The following LAMA2 variants were observed in gnomAD, a reference collection of about 807,000 sequenced individuals.
LAMA2 encodes the protein laminin subunit alpha-2.
LAMA2 carries 269 observed loss-of-function variants against 364.8 expected under a neutral mutation model. The ratio of observed to expected loss-of-function variants is 0.74; its 90% CI spans 0.67 to 0.82. LAMA2 has a LOEUF of 0.82. Ranked by LOEUF, LAMA2 falls within the 40% of genes least tolerant of loss-of-function variation. The pLI is 0.00. For synonymous variants in LAMA2, 1,379 were observed against 1,370.6 expected (o/e 1.01, Z -0.14); for missense variants, 3,807 against 3,873.2 (o/e 0.98, Z 0.45).
chr6:128,936,387 G>A (rs1311055499), intron 1 of LAMA2, among the ~76,000 whole-genome samples: 2 of 152,036 alleles, frequency 1.3e-5, no homozygotes, highest in African/African-American at 2.4e-5. Context: ...TATCATGACA[G>A]GATGTTGAAT....
chr6:129,254,306 A>G (rs1187066591), intron 14 of LAMA2, among the ~76,000 whole-genome samples: 1 of 152,240 alleles, frequency 6.6e-6, no homozygotes, highest in African/African-American at 2.4e-5. Flanking sequence ...ACTGCGGGTC[A>G]AGAATTTTGA....
rs376788876 is a variant in LAMA2 at position 129,503,146 on chromosome 6, A to G, written c.8413A>G (p.Met2805Val). ...TEAESGLLFY[M>V]ARINHADFAT... Reference sequence around the variant, plus strand: ...AGCTGAATCCGGCTTGCTTTTTTACATGGCTCGCATCAATCATGCTGATTT... The same window carrying G: ...AGCTGAATCCGGCTTGCTTTTTTACGTGGCTCGCATCAATCATGCTGATTT... The change falls in exon 60 of 65, where the codon ATG becomes GTG. Residue 2805 changes from methionine (M) to valine (V), a missense_variant. By Grantham distance (21) the Met-to-Val change is conservative (BLOSUM62 1). Coordinates refer to ENST00000421865, the MANE Select transcript of LAMA2 (RefSeq NM_000426.4). The G allele has an allele frequency of 4.3e-6, 7 of 1,614,174 alleles. No homozygotes were observed. Among genetic ancestry groups the G allele is most frequent in the Admixed American group, 1.7e-5 (1 of 60,022 alleles).
At chr6:129,437,343 A>G (rs963267577) in intron 41 of LAMA2, among the ~76,000 whole-genome samples, 1 of 152,108 alleles carries the variant, frequency 6.6e-6, no homozygotes, top group African/African-American at 2.4e-5. Context: ...TATTGTAAGG[A>G]TTAAGTAAAA....
intron 40 of LAMA2, among the ~76,000 whole-genome samples, chr6:129,422,896 T>G (rs1781146848): frequency 6.6e-6 from 1 of 152,102 alleles, no homozygotes; most frequent in Non-Finnish European, 1.5e-5. Flanking sequence ...AAAATTATAT[T>G]ATATAACAAT....
chr6:129,024,232 A>G lies in LAMA2; in HGVS notation c.113-25686A>G, dbSNP rs1027546383. 4.5e-4 allele frequency among the ~76,000 whole-genome samples: 68 copies of G among 151,844 alleles called. 1 individual carries two copies. The highest frequency in any genetic ancestry group is 1.3e-3 in the African/African-American group (55 of 41,346). On this transcript the variant is annotated intron_variant, in intron 1 of 64. Transcript: ENST00000421865. ...ATTGTGTTATACAGAGAATATGGAG[A>G]ATATGTGGGATAAATGAGTCAAATG...
chr6:128,992,079 A>G (rs1225529422), intron 1 of LAMA2, among the ~76,000 whole-genome samples: 2 of 152,242 alleles, frequency 1.3e-5, no homozygotes, highest in Admixed American at 6.5e-5. Flanking sequence ...TAGCATTTAT[A>G]GATGTAGCAT....
chr6:129,310,115 G>T (rs1300293273), intron 22 of LAMA2, among the ~76,000 whole-genome samples: 1 of 151,768 alleles, frequency 6.6e-6, no homozygotes, highest in Non-Finnish European at 1.5e-5. Flanking sequence ...TAGCCAGGAT[G>T]GTCTCGATCT....
chr6:129,445,504 T>C (rs530388366), intron 44 of LAMA2, among the ~76,000 whole-genome samples, 163 bp from the exon 45 acceptor site: 1 of 152,222 alleles, frequency 6.6e-6, no homozygotes, highest in Non-Finnish European at 1.5e-5. Flanking sequence ...GAGTCTCAAC[T>C]AAAATATTGA....
chr6:128,909,449 G>C (rs1777738261), intron 1 of LAMA2, among the ~76,000 whole-genome samples: 1 of 150,934 alleles, frequency 6.6e-6, no homozygotes, highest in Non-Finnish European at 1.5e-5. Flanking sequence ...TCAGAGACTA[G>C]GATTGCAACC....
In LAMA2 at chr6:129,512,471, G is replaced by A. The variant is rs1335259812; in HGVS notation, c.8966G>A (p.Gly2989Asp). 1.2e-6 allele frequency: 2 copies of A among 1,613,520 alleles called. No homozygotes were observed. The highest frequency in any genetic ancestry group is 1.1e-5 in the South Asian group (1 of 91,058). ...AGTAGTCAAAAAATGGATGGAATGG[G>A]TATTGAAATGATTGATGAAAAGGTG... is the stretch of plus-strand genomic sequence containing the variant. ...GISSQKMDGM[G>D]IEMIDEKLMF... Residue 2989 changes from glycine to aspartate, a missense_variant, in exon 63 of 65, where the codon GGT becomes GAT. Gly to Asp is a moderately conservative substitution (Grantham distance 94, BLOSUM62 -1). Coordinates refer to ENST00000421865, the MANE Select transcript of LAMA2 (RefSeq NM_000426.4).
chr6:129,447,381 G>A (rs1215083610), intron 45 of LAMA2, among the ~76,000 whole-genome samples: 1 of 152,192 alleles, frequency 6.6e-6, no homozygotes, highest in Admixed American at 6.5e-5. Context: ...GTTGGGGGTG[G>A]AGTCAGGTAA....
At chr6:129,514,814 C>T (rs1786906019) in intron 64 of LAMA2, among the ~76,000 whole-genome samples, 1 of 152,000 alleles carries the variant, frequency 6.6e-6, no homozygotes, top group Non-Finnish European at 1.5e-5. Context: ...CATGAGAGCC[C>T]CCAAAGTTTC....
At chr6:128,965,683 CATT>C (rs1294860219) in intron 1 of LAMA2, among the ~76,000 whole-genome samples, 1 of 151,910 alleles carries the variant, frequency 6.6e-6, no homozygotes, top group Non-Finnish European at 1.5e-5. Context: ...TCATCGATGA[CATT>C]ATTACTTATG....
rs116974519 is a variant in LAMA2 at position 129,108,331 on chromosome 6, A to G, written c.639+9916A>G. Among the ~76,000 whole-genome samples the G allele has an allele frequency of 3.5e-3, 534 of 152,094 alleles. 5 individuals carry two copies. Among genetic ancestry groups the G allele is most frequent in the Non-Finnish European group, 5.4e-3 (368 of 67,970 alleles). On this transcript the variant is annotated intron_variant, in intron 4 of 64. Transcript: ENST00000421865. ...TCAGTTGTGCAATAGACTTGTTAGA[A>G]TTTTGTTTGCTTTAATAATTTTTAA...
intron 1 of LAMA2, among the ~76,000 whole-genome samples, chr6:128,994,933 AATCCCATG>A (rs1562904311): frequency 6.6e-6 from 1 of 152,132 alleles, no homozygotes; most frequent in Non-Finnish European, 1.5e-5. Flanking sequence ...TTAGTAAAGA[AATCCCATG>A]ATTCCCTAGA....
intron 44 of LAMA2, among the ~76,000 whole-genome samples, chr6:129,444,404 G>A (rs1161296323): frequency 6.6e-6 from 1 of 152,138 alleles, no homozygotes; most frequent in Non-Finnish European, 1.5e-5. Flanking sequence ...AGGGAAAAAT[G>A]AACAAACGGT....
chr6:129,367,964 G>T (rs1238439749), intron 33 of LAMA2, among the ~76,000 whole-genome samples: 1 of 152,202 alleles, frequency 6.6e-6, no homozygotes, highest in African/African-American at 2.4e-5. Context: ...CAGTTCTGAG[G>T]CTGGGAAGCC....
intron 1 of LAMA2, among the ~76,000 whole-genome samples, chr6:128,900,481 A>T (rs961411891): frequency 6.6e-6 from 1 of 150,398 alleles, no homozygotes; most frequent in Non-Finnish European, 1.5e-5. Flanking sequence ...AGGAACACTT[A>T]CTTCCCACTT....
intron 12 of LAMA2, among the ~76,000 whole-genome samples, chr6:129,204,497 A>T (rs1276661771): frequency 6.6e-6 from 1 of 152,020 alleles, no homozygotes; most frequent in Non-Finnish European, 1.5e-5. Flanking sequence ...AAAAAGGACA[A>T]TTTGGAGATA....
Sources: gnomAD v4.1 joint callset for allele counts (sites outside exome capture counted in the v4.1 genomes callset) on GRCh38, gnomAD v4.1.1 for gene constraint, MANE v1.5 for transcripts, NCBI Gene and HGNC (gene_info 2026-07-23, HGNC 2026-07-21) for gene names.